Variants in RPGRIP1 observed in about 807,000 individuals in gnomAD.
The protein encoded by RPGRIP1 is RPGR interacting protein 1, also known as X-linked retinitis pigmentosa GTPase regulator-interacting protein 1.
A neutral mutation model predicts 157.9 loss-of-function variants in RPGRIP1; 128 were observed. The observed-to-expected ratio is 0.81, with a 90% CI of 0.70 to 0.94. RPGRIP1 has a LOEUF of 0.94. Among genes scored for constraint, RPGRIP1 ranks in the 40% least tolerant of loss-of-function variants. The pLI, the probability that RPGRIP1 is intolerant of heterozygous loss-of-function variation, is 0.00. For synonymous variants in RPGRIP1, 554 were observed against 571.6 expected (o/e 0.97, Z 0.44); for missense variants, 1,486 against 1,545.8 (o/e 0.96, Z 0.65).
At chr14:21,312,074 A>G in intron 9 of RPGRIP1, 104 bp downstream of exon 9, 1 of 1,081,602 alleles carries the variant, frequency 9.2e-7, no homozygotes. Flanking sequence ...CAAATGACAA[A>G]AACGAAGCTC....
intron 7 of RPGRIP1, 137 bp downstream of exon 7, chr14:21,307,973 A>AGT (rs1881387834): frequency 6.7e-6 from 4 of 594,434 alleles, no homozygotes; most frequent in Admixed American, 3.4e-5. Flanking sequence ...ACAATTTATA[A>AGT]GTGATATTCA....
intron 2 of RPGRIP1, among the ~76,000 whole-genome samples, chr14:21,293,408 C>A (rs949307876): frequency 2.0e-5 from 3 of 152,080 alleles, no homozygotes; most frequent in African/African-American, 7.2e-5. Flanking sequence ...GTCATGGGAA[C>A]AATCCTTGTG....
intron 14 of RPGRIP1, among the ~76,000 whole-genome samples, chr14:21,322,235 G>A (rs1882579043): frequency 6.6e-6 from 1 of 152,004 alleles, no homozygotes; most frequent in Non-Finnish European, 1.5e-5. Context: ...TTGGCTCACT[G>A]CAACCTCTGC....
rs1323146686 is a variant in RPGRIP1 at position 21,320,130 on chromosome 14, G to A, written c.1420G>A (p.Glu474Lys). Residue 474 changes from glutamate (E) to lysine (K), a missense_variant, in exon 12 of 25, where the codon GAA becomes AAA. Transcript: ENST00000400017. The part of the protein sequence containing the change: ...TISQPPDRQS[E>K]PATHPAVLQE... ...TTCCCAACCTCCTGACAGGCAATCT[G>A]AACCAGCCACTCACCCAGCTGTATT... is the stretch of plus-strand genomic sequence containing the variant. 1.2e-6 allele frequency: 2 copies of A among 1,613,838 alleles called. No homozygotes were observed. Among genetic ancestry groups the A allele is most frequent in the Non-Finnish European group, 8.5e-7 (1 of 1,179,840 alleles).
At chr14:21,322,973 A>G (rs1323221357) in intron 14 of RPGRIP1, among the ~76,000 whole-genome samples, 1 of 152,184 alleles carries the variant, frequency 6.6e-6, no homozygotes, top group African/African-American at 2.4e-5. Context: ...CGAAAACCAA[A>G]TTAACCAGAA....
At chr14:21,334,778 C>T (rs901479004) in intron 21 of RPGRIP1, 73 bp downstream of exon 21, 1 of 1,028,342 alleles carries the variant, frequency 9.7e-7, no homozygotes, top group African/African-American at 1.6e-5. Flanking sequence ...CATGGGGGCT[C>T]ACGCCTGTAA....
At chr14:21,292,143 T>C (rs549303306) in intron 2 of RPGRIP1, among the ~76,000 whole-genome samples, 48 of 152,088 alleles carry the variant, frequency 3.2e-4, no homozygotes, top group African/African-American at 1.1e-3. Flanking sequence ...CTGCCCACCA[T>C]GGCCTTCCAA....
rs533471221 is a variant in RPGRIP1 at position 21,330,369 on chromosome 14, C to A, written c.3220C>A (p.Pro1074Thr). 2.6e-6 allele frequency: 4 copies of A among 1,532,096 alleles called. No individual in the cohort carries two copies. Among genetic ancestry groups the A allele is most frequent in the South Asian group, 2.6e-5 (2 of 76,424 alleles). The allele number at this position is 1,532,096 out of a possible 1,614,324, so 94.9% of individuals were successfully genotyped here. A position where few individuals can be genotyped will look rare whatever the true frequency, so the allele number is the denominator to read the frequency against. Reference sequence around the variant, plus strand: ...CCATTCAGCACTGAAACAGAAGGAACCTCTACATCCTGTAAATGGTATTGT... The same window carrying A: ...CCATTCAGCACTGAAACAGAAGGAAACTCTACATCCTGTAAATGGTATTGT... ...LSHSALKQKEPLHPVNDKESS... is the reference protein window; with the variant it reads ...LSHSALKQKETLHPVNDKESS... The change falls in exon 20 of 25, where the codon CCT becomes ACT. Residue 1074 changes from proline to threonine, a missense_variant. Transcript: ENST00000400017.
Position 21,306,112 on chromosome 14 carries a change from CTTTTTTTTTTTTTTTTTTTTTT to C in RPGRIP1, c.801-1603_801-1582del, listed in dbSNP as rs539083010. ...AGCTCCTAGGTTCAGGAATAATAGT[CTTTTTTTTTTTTTTTTTTTTTT>C]TTTTTTTTTTTTTTTGAGACAGAGT... On this transcript the variant is annotated intron_variant, in intron 6 of 24. Transcript: ENST00000400017. Among the ~76,000 whole-genome samples, 5 of 44,828 alleles carry C rather than the reference CTTTTTTTTTTTTTTTTTTTTTT, an allele frequency of 1.1e-4. 1 individual carries two copies. The Admixed American group carries it at 1.2e-3, about 11-fold the overall frequency. 29.4% of individuals were successfully genotyped at this position (44,828 alleles called of 152,430 possible). A position where few individuals can be genotyped will look rare whatever the true frequency, so the allele number is the denominator to read the frequency against.
intron 10 of RPGRIP1, among the ~76,000 whole-genome samples, chr14:21,317,160 T>A (rs1352813690): frequency 6.6e-6 from 1 of 152,022 alleles, no homozygotes; most frequent in Non-Finnish European, 1.5e-5. Flanking sequence ...ACCAGCCATG[T>A]GTATTTTATA....
chr14:21,281,133 T>C (rs909448653), intron 1 of RPGRIP1, among the ~76,000 whole-genome samples: 1 of 151,658 alleles, frequency 6.6e-6, no homozygotes, highest in African/African-American at 2.4e-5. Context: ...TTCTCCTGCC[T>C]CAACCTCCCG....
At chr14:21,346,659 A>C (rs926384707) in intron 23 of RPGRIP1, among the ~76,000 whole-genome samples, 2 of 152,228 alleles carry the variant, frequency 1.3e-5, no homozygotes, top group East Asian at 1.9e-4. Context: ...ATGTGTGTGC[A>C]TAAGAAATAA....
At chr14:21,329,670 T>G (rs1328511459) in intron 19 of RPGRIP1, among the ~76,000 whole-genome samples, 6 of 150,822 alleles carry the variant, frequency 4.0e-5, no homozygotes, top group African/African-American at 1.5e-4. Flanking sequence ...CCCAGCTAAT[T>G]TTTGTATTTT....
intron 14 of RPGRIP1, chr14:21,324,135 T>C (rs1308438650): frequency 5.4e-6 from 1 of 183,644 alleles, no homozygotes; most frequent in African/African-American, 2.4e-5. Context: ...ATCTCCTGAC[T>C]GACCTGGCTA....
At chr14:21,313,778 A>G (rs927334595) in intron 10 of RPGRIP1, among the ~76,000 whole-genome samples, 2 of 143,922 alleles carry the variant, frequency 1.4e-5, no homozygotes, top group African/African-American at 5.4e-5. Flanking sequence ...GCACAGCAAG[A>G]CTTCCTCTGA....
Position 21,341,309 on chromosome 14 carries a change from G to A in RPGRIP1, c.3340-1727G>A, listed in dbSNP as rs141027455. 8.4e-3 allele frequency among the ~76,000 whole-genome samples: 1,276 copies of A among 152,270 alleles called. 21 individuals are homozygous for A. Among genetic ancestry groups the A allele is most frequent in the African/African-American group, 0.029 (1,198 of 41,552 alleles). On this transcript the variant is annotated intron_variant, in intron 21 of 24. Transcript: ENST00000400017. ...GCCTCCCAAAATGCTGGTATTACAG[G>A]TGTGAGCCTCTGCACCCCGCCAAAT...
chr14:21,300,659 A>G (rs1281875988), intron 3 of RPGRIP1, among the ~76,000 whole-genome samples: 1 of 149,788 alleles, frequency 6.7e-6, no homozygotes, highest in Non-Finnish European at 1.5e-5. Context: ...AAGTCTATAT[A>G]TAATTTTTTT....
chr14:21,291,484 C>T (rs1220893038), intron 2 of RPGRIP1, among the ~76,000 whole-genome samples: 1 of 151,906 alleles, frequency 6.6e-6, no homozygotes, highest in African/African-American at 2.4e-5. Context: ...GGAATATTTA[C>T]AAGTTTATTT....
chr14:21,283,514 G>A (rs765973840), intron 1 of RPGRIP1, among the ~76,000 whole-genome samples: 1 of 151,976 alleles, frequency 6.6e-6, no homozygotes, highest in East Asian at 1.9e-4. Context: ...TGTTAGCCAG[G>A]CTGGTCTCAA....
Sources: gnomAD v4.1 joint callset for allele counts (sites outside exome capture counted in the v4.1 genomes callset) on GRCh38, gnomAD v4.1.1 for gene constraint, MANE v1.5 for transcripts, NCBI Gene and HGNC (gene_info 2026-07-23, HGNC 2026-07-21) for gene names.